TRPC4: variants seen among roughly 807,000 people sequenced by gnomAD.
The protein encoded by TRPC4 is transient receptor potential cation channel subfamily C member 4.
In TRPC4, 49 loss-of-function variants were observed where a neutral mutation model predicts 99.4. The ratio of observed to expected loss-of-function variants is 0.49; its 90% CI spans 0.39 to 0.63. The LOEUF (loss-of-function observed/expected upper bound fraction) is 0.63. TRPC4 is among the 20% of genes least tolerant of loss of function. The probability of loss-of-function intolerance (pLI) is 0.00; values close to 1 mark genes in which losing one functional copy is unlikely to be tolerated. For missense variants in TRPC4, 898 were observed against 1,152.9 expected (o/e 0.78, Z 3.20); for synonymous variants, 454 against 425.9 (o/e 1.07, Z -0.81).
chr13:37,851,996 T>C (rs1249441220), intron 1 of TRPC4, among the ~76,000 whole-genome samples: 3 of 152,222 alleles, frequency 2.0e-5, no homozygotes, highest in Non-Finnish European at 4.4e-5. Flanking sequence ...CTCAAGTTTC[T>C]GGACAAGTCT....
intron 1 of TRPC4, among the ~76,000 whole-genome samples, chr13:37,798,601 GA>G (rs551306670): frequency 1.3e-5 from 2 of 151,980 alleles, no homozygotes; most frequent in East Asian, 3.9e-4. Flanking sequence ...GATGAAAAGT[GA>G]AAAAAATACT....
chr13:37,638,014 G>C (rs901116404), intron 10 of TRPC4, among the ~76,000 whole-genome samples: 1 of 152,088 alleles, frequency 6.6e-6, no homozygotes, highest in African/African-American at 2.4e-5. Flanking sequence ...CCATTTTTCT[G>C]TCCAAAGGGA....
rs547792115 is a variant in TRPC4 at position 37,636,869 on chromosome 13, G to C, written c.*34C>G. The C allele has an allele frequency of 1.3e-6, 2 of 1,576,438 alleles. No individual in the cohort carries two copies. Among genetic ancestry groups the C allele is most frequent in the Admixed American group, 1.8e-5 (1 of 55,446 alleles). ...CCACCCAGAGCACTACGGAAAATAC[G>C]TATGTGTATGGTAAACGCTTCCTCC... On this transcript the variant is annotated 3_prime_UTR_variant, in exon 11 of 11. Transcript: ENST00000379705.
chr13:37,708,122 A>G (rs1477228499), intron 3 of TRPC4, among the ~76,000 whole-genome samples: 2 of 152,166 alleles, frequency 1.3e-5, no homozygotes, highest in African/African-American at 2.4e-5. Flanking sequence ...GATAGTAAAT[A>G]GAATTAAAAT....
chr13:37,672,982 CATGTGCACAACGTGCAGGTTT>C (rs1952906253), intron 5 of TRPC4, among the ~76,000 whole-genome samples: 1 of 151,856 alleles, frequency 6.6e-6, no homozygotes, highest in Admixed American at 6.6e-5. Flanking sequence ...TTCTAGGGTA[CATGTGCACAACGTGCAGGTTT>C]GTTACATAGG....
chr13:37,717,831 G>A (rs372440753), intron 3 of TRPC4, among the ~76,000 whole-genome samples: 10 of 152,064 alleles, frequency 6.6e-5, no homozygotes, highest in Non-Finnish European at 1.2e-4. Flanking sequence ...CAACCCCCCC[G>A]AAAAGAACAG....
intron 2 of TRPC4, among the ~76,000 whole-genome samples, chr13:37,775,405 TG>T (rs1956670277): frequency 8.6e-6 from 1 of 115,778 alleles, no homozygotes; most frequent in South Asian, 2.8e-4. Context: ...TTTATTTATT[TG>T]TTTTTTTTTA....
chr13:37,761,994 G>A, intron 2 of TRPC4, among the ~76,000 whole-genome samples: 1 of 151,852 alleles, frequency 6.6e-6, no homozygotes, highest in East Asian at 1.9e-4. Flanking sequence ...AATATTATTT[G>A]TATTTTAGGT....
chr13:37,777,720 G>A (rs1029334069), intron 2 of TRPC4, among the ~76,000 whole-genome samples: 9 of 151,948 alleles, frequency 5.9e-5, no homozygotes, highest in African/African-American at 2.2e-4. Context: ...CAGTAATAAT[G>A]CCAACACTAT....
intron 3 of TRPC4, among the ~76,000 whole-genome samples, chr13:37,702,932 T>C (rs1954148742): frequency 6.6e-6 from 1 of 152,162 alleles, no homozygotes; most frequent in Non-Finnish European, 1.5e-5. Context: ...TAGTACATAG[T>C]TGTCATCTAG....
chr13:37,704,846 A>G (rs1424777255), intron 3 of TRPC4, among the ~76,000 whole-genome samples: 1 of 152,106 alleles, frequency 6.6e-6, no homozygotes, highest in East Asian at 1.9e-4. Flanking sequence ...CATCAGATGC[A>G]TGGGAATTTA....
chr13:37,861,696 C>T (rs757075497), intron 1 of TRPC4, among the ~76,000 whole-genome samples: 1 of 151,444 alleles, frequency 6.6e-6, no homozygotes, highest in Non-Finnish European at 1.5e-5. Flanking sequence ...AGTTCAGCTC[C>T]AAGTAGCTTG....
Position 37,636,163 on chromosome 13 carries a change from TA to T in TRPC4, c.*739del, listed in dbSNP as rs1951512376. ...TCATAAAGACTCATATTTATACTGATAAGCAGTTGAATCTGAAATAGGTAAT... is the reference window on the plus strand; with the variant it reads ...TCATAAAGACTCATATTTATACTGATAGCAGTTGAATCTGAAATAGGTAAT... On this transcript the variant is annotated 3_prime_UTR_variant, in exon 11 of 11. Coordinates refer to ENST00000379705, the MANE Select transcript of TRPC4 (RefSeq NM_016179.4). 6.6e-6 allele frequency among the ~76,000 whole-genome samples: 1 copy of T among 152,096 alleles called. No homozygotes were observed. Among genetic ancestry groups the T allele is most frequent in the Admixed American group, 6.6e-5 (1 of 15,238 alleles).
chr13:37,816,682 T>C (rs9576365), intron 1 of TRPC4, among the ~76,000 whole-genome samples: 38,932 of 151,808 alleles, frequency 0.26, 5,510 homozygotes, highest in East Asian at 0.43. Context: ...TCCACCATGA[T>C]CAAGTAGGCT....
intron 6 of TRPC4, among the ~76,000 whole-genome samples, chr13:37,663,143 C>CA (rs1182612022): frequency 3.3e-5 from 5 of 151,994 alleles, no homozygotes; most frequent in Non-Finnish European, 5.9e-5. Context: ...AATTCTACAT[C>CA]AAAAAAATAG....
chr13:37,716,051 T>TTA (rs1447941559), intron 3 of TRPC4, among the ~76,000 whole-genome samples: 4 of 152,224 alleles, frequency 2.6e-5, no homozygotes, highest in Non-Finnish European at 5.9e-5. Context: ...TTTGTTAGAA[T>TTA]GTAATATGTT....
intron 3 of TRPC4, among the ~76,000 whole-genome samples, chr13:37,693,122 C>T (rs1475997014): frequency 1.3e-5 from 2 of 151,978 alleles, no homozygotes; most frequent in Non-Finnish European, 2.9e-5. Context: ...ATATCTGGTC[C>T]AGGATTTTTT....
rs550425589 is a variant in TRPC4, at chr13:37,648,066, C to T, written c.2079+3199G>A. On this transcript the variant is annotated intron_variant, in intron 8 of 10. Coordinates refer to ENST00000379705, the MANE Select transcript of TRPC4 (RefSeq NM_016179.4). Reference sequence around the variant, plus strand: ...CAAGCGATTCTTCTTCCTCAGCCTCCTGAGTAGCTGGGACTACAGGCACGT... The same window carrying T: ...CAAGCGATTCTTCTTCCTCAGCCTCTTGAGTAGCTGGGACTACAGGCACGT... Among the ~76,000 whole-genome samples, 73 of 152,248 alleles carry T rather than the reference C, an allele frequency of 4.8e-4. 1 individual carries two copies. The highest frequency in any genetic ancestry group is 4.3e-3 in the Admixed American group (65 of 15,290).
At chr13:37,679,320 A>G (rs1033090573) in intron 4 of TRPC4, among the ~76,000 whole-genome samples, 2 of 152,182 alleles carry the variant, frequency 1.3e-5, no homozygotes, top group African/African-American at 4.8e-5. Flanking sequence ...GTTATAACTT[A>G]ATTTGAATGT....
Sources: allele counts gnomAD v4.1 joint callset (sites outside exome capture counted in the v4.1 genomes callset), GRCh38; gene constraint gnomAD v4.1.1; transcripts MANE v1.5; gene names NCBI Gene and HGNC (gene_info 2026-07-23, HGNC 2026-07-21).